KRT34: variants seen among roughly 807,000 people sequenced by gnomAD.
KRT34 encodes keratin, type I cuticular Ha4.
A neutral mutation model predicts 41.7 loss-of-function variants in KRT34; 31 were observed. The observed-to-expected ratio is 0.74, with a 90% CI of 0.56 to 1.00. The LOEUF (loss-of-function observed/expected upper bound fraction) is 1.00. KRT34 is among the 50% of genes least tolerant of loss of function. KRT34 has a pLI of 0.00. For missense variants in KRT34, 523 were observed against 500.3 expected (o/e 1.05, Z -0.43); for synonymous variants, 224 against 212.9 (o/e 1.05, Z -0.45).
At position 41,379,578 on chromosome 17, in the gene KRT34, C is replaced by G; in HGVS notation, c.742G>C (p.Ala248Pro). ...INRREVEQWF[A>P]TQTEELNKQV... ...TGTGCTTAGATGCCCACCTGCGTGG[C>G]GAACCATTGCTCCACTTCCCTGCGG... Residue 248 changes from alanine (A) to proline (P), a missense_variant, in exon 4 of 7, where the codon GCC becomes CCC. Ala to Pro is a conservative substitution (Grantham distance 27). Coordinates refer to ENST00000394001, the MANE Select transcript of KRT34 (RefSeq NM_001386014.1). 6.2e-7 allele frequency: 1 copy of G among 1,613,750 alleles called. No homozygotes were observed.
At position 41,377,927 on chromosome 17, in the gene KRT34, T is replaced by G; in HGVS notation, c.*132A>C. On this transcript the variant is annotated 3_prime_UTR_variant, in exon 7 of 7. Transcript: ENST00000394001. ...TTGGGTCAGGAAAGCTTTTCAGCAT[T>G]CTAGAAATAACATAGAGGCAAGATG... is the stretch of plus-strand genomic sequence containing the variant. 1 of 648,916 alleles carries G rather than the reference T, an allele frequency of 1.5e-6. No homozygotes were observed. The highest frequency in any genetic ancestry group is 2.0e-5 in the South Asian group (1 of 50,896). The allele number at this position is 648,916 out of a possible 1,614,324, so 40.2% of individuals were successfully genotyped here. A position where few individuals can be genotyped will look rare whatever the true frequency, so the allele number is the denominator to read the frequency against.
chr17:41,380,610 C>T (rs994686565), intron 3 of KRT34, among the ~76,000 whole-genome samples: 1 of 152,208 alleles, frequency 6.6e-6, no homozygotes. Flanking sequence ...TCCTCTTGGG[C>T]AGCCTGGATT....
At chr17:41,383,022 C>A (rs1023768714), upstream of KRT34, among the ~76,000 whole-genome samples, 1 of 149,618 alleles carries the variant, frequency 6.7e-6, no homozygotes, top group Non-Finnish European at 1.5e-5. Flanking sequence ...TGTTTGTTTT[C>A]TGTTTTTTTT....
Position 41,377,783 on chromosome 17 carries a change from C to T in KRT34, c.*276G>A. Reference sequence around the variant, plus strand: ...ATGCAGTAGTACGTTCAGGAAACACCTTAAGTAGTAACTGGAGCTCAGATT... The same window carrying T: ...ATGCAGTAGTACGTTCAGGAAACACTTTAAGTAGTAACTGGAGCTCAGATT... On this transcript the variant is annotated 3_prime_UTR_variant, in exon 7 of 7. Coordinates refer to ENST00000394001, the MANE Select transcript of KRT34 (RefSeq NM_001386014.1). The T allele has an allele frequency of 2.3e-6, 1 of 432,584 alleles. No individual in the cohort carries two copies. The highest frequency in any genetic ancestry group is 3.2e-5 in the East Asian group (1 of 30,874). The allele number at this position is 432,584 out of a possible 1,614,324, so 26.8% of individuals were successfully genotyped here. A position where few individuals can be genotyped will look rare whatever the true frequency, so the allele number is the denominator to read the frequency against.
In KRT34 at chr17:41,382,191, C is replaced by A. The variant is rs774452221; in HGVS notation, c.56G>T (p.Arg19Leu). ...GTGGCAGCTGGGGGGCACGCAGGGC[C>A]GGGAGGAGCAGCTGGTGCGGCAGCC... ...SLGCRTSCSS[R>L]PCVPPSCHGY... The change falls in exon 1 of 7, where the codon CGG becomes CTG. Residue 19 changes from arginine to leucine, a missense_variant. Arg to Leu is a moderately radical substitution (Grantham distance 102). Transcript: ENST00000394001. The A allele has an allele frequency of 6.2e-7, 1 of 1,612,364 alleles. No homozygotes were observed. Among genetic ancestry groups the A allele is most frequent in the South Asian group, 1.1e-5 (1 of 90,996 alleles).
chr17:41,382,505 T>C (rs546132480), upstream of KRT34: 6 of 766,218 alleles, frequency 7.8e-6, no homozygotes, highest in Admixed American at 8.7e-5. Flanking sequence ...TGGGTGCTAG[T>C]GGTTGGTGAA....
intron 6 of KRT34, 148 bp from the exon 7 acceptor site, chr17:41,378,294 G>C (rs2017883861): frequency 1.5e-6 from 1 of 676,308 alleles, no homozygotes; most frequent in Non-Finnish European, 2.6e-6. Context: ...TTGTTTTTGA[G>C]ACAGGGTCTT....
upstream of KRT34, among the ~76,000 whole-genome samples, chr17:41,383,631 C>A (rs755126331): frequency 6.6e-6 from 1 of 152,152 alleles, no homozygotes; most frequent in Non-Finnish European, 1.5e-5. Flanking sequence ...AGCAAGGGTG[C>A]TCAGAGGTAT....
At chr17:41,380,110 T>C (rs1338974371) in intron 3 of KRT34, among the ~76,000 whole-genome samples, 2 of 152,022 alleles carry the variant, frequency 1.3e-5, no homozygotes, top group African/African-American at 4.8e-5. Context: ...AATACAAAAA[T>C]TAGCTGGGCG....
chr17:41,378,388 C>G (rs1441125019), intron 6 of KRT34, among the ~76,000 whole-genome samples: 8 of 152,186 alleles, frequency 5.3e-5, no homozygotes, highest in Non-Finnish European at 1.0e-4. Context: ...CTCCCAGGTT[C>G]AAGCGATTCT....
chr17:41,379,613 A>G lies in KRT34; in HGVS notation c.707T>C (p.Val236Ala). ...NETRSQYEAL[V>A]EINRREVEQW... Reference sequence around the variant, plus strand: ...CTCCACTTCCCTGCGGTTAATTTCCACCAGAGCCTCATACTGACTCCTGGT... The same window carrying G: ...CTCCACTTCCCTGCGGTTAATTTCCGCCAGAGCCTCATACTGACTCCTGGT... Residue 236 changes from valine (V) to alanine (A), a missense_variant, in exon 4 of 7, where the codon GTG (valine) becomes GCG (alanine). By Grantham distance (64) the Val-to-Ala change is moderately conservative. Transcript: ENST00000394001. 6.2e-7 allele frequency: 1 copy of G among 1,613,998 alleles called. No individual in the cohort carries two copies. Among genetic ancestry groups the G allele is most frequent in the East Asian group, 2.2e-5 (1 of 44,868 alleles).
rs1395139586 is a variant in KRT34 at position 41,381,125 on chromosome 17, C to A, written c.519G>T (p.Lys173Asn). ...RRILDELTLC[K>N]SDLESQVESL... ...ACTCCACCTGGGACTCCAGGTCAGA[C>A]TTGCAGAGGGTCAGCTCATCCAGGA... The change falls in exon 3 of 7, where the codon AAG (lysine) becomes AAT (asparagine). Residue 173 changes from lysine (K) to asparagine (N), a missense_variant. Coordinates refer to ENST00000394001, the MANE Select transcript of KRT34 (RefSeq NM_001386014.1). 1 of 1,614,190 alleles carries A rather than the reference C, an allele frequency of 6.2e-7. No individual in the cohort carries two copies. The highest frequency in any genetic ancestry group is 8.5e-7 in the Non-Finnish European group (1 of 1,180,024).
chr17:41,381,284 G>C (rs754527870), intron 2 of KRT34, 72 bp from the exon 3 acceptor site: 57 of 1,464,954 alleles, frequency 3.9e-5, no homozygotes, highest in Non-Finnish European at 4.5e-5. Context: ...TGTTTGGGTA[G>C]AATTGGCCTG....
In KRT34 at chr17:41,381,898, C is replaced by A; in HGVS notation, c.348+1G>T. ...GCCCCCCATATGGCCAACCCCCTCA[C>A]CTTCTGCTGGAGCTCCTCAATGGTC... On this transcript the variant is annotated splice_donor_variant, in intron 1 of 6. Transcript: ENST00000394001. LOFTEE classifies it high-confidence loss of function. 6.2e-7 allele frequency: 1 copy of A among 1,613,880 alleles called. No individual in the cohort carries two copies. Among genetic ancestry groups the A allele is most frequent in the Non-Finnish European group, 8.5e-7 (1 of 1,179,710 alleles).
chr17:41,382,243 A>T lies in KRT34; in HGVS notation c.4T>A (p.Ser2Thr), dbSNP rs530016289. Residue 2 changes from serine (S) to threonine (T), a missense_variant, in exon 1 of 7, where the codon TCT becomes ACT. Ser to Thr is a moderately conservative substitution (Grantham distance 58). Transcript: ENST00000394001. M[S>T]YSCCLPSLGC... ...AGGCTGGGCAGGCAACAACTGTAAG[A>T]CATGGTGCTGGAACAGGTAATGGAA... 9.3e-6 allele frequency: 15 copies of T among 1,612,770 alleles called. No homozygotes were observed. Among genetic ancestry groups the T allele is most frequent in the African/African-American group, 8.0e-5 (6 of 75,012 alleles).
Position 41,378,017 on chromosome 17 carries a change from C to T in KRT34, c.*42G>A. 6.8e-7 allele frequency: 1 copy of T among 1,464,528 alleles called. No homozygotes were observed. 90.7% of individuals were successfully genotyped at this position (1,464,528 alleles called of 1,614,324 possible). A position where few individuals can be genotyped will look rare whatever the true frequency, so the allele number is the denominator to read the frequency against. ...CTTGAGGATCCTTCCTGTGGTTGAT[C>T]TAAATGGCTTTGTAGATGTCTTCAA... On this transcript the variant is annotated 3_prime_UTR_variant, in exon 7 of 7. Transcript: ENST00000394001.
chr17:41,382,573 T>G (rs1351402191), upstream of KRT34, among the ~76,000 whole-genome samples: 2 of 152,184 alleles, frequency 1.3e-5, no homozygotes, highest in African/African-American at 2.4e-5. Context: ...CCCAAAAGGC[T>G]GTCTGCATTA....
In KRT34 at chr17:41,379,347, A is replaced by G. The variant is rs956349762; in HGVS notation, c.876+6T>C. 1.9e-6 allele frequency: 3 copies of G among 1,613,040 alleles called. No individual in the cohort carries two copies. Among genetic ancestry groups the G allele is most frequent in the Non-Finnish European group, 2.5e-6 (3 of 1,180,038 alleles). Reference sequence around the variant, plus strand: ...TCGCTCACCAGCAGGTCTGAACAATACACACCAGGTTGTGCTGGGCCTGCA... The same window carrying G: ...TCGCTCACCAGCAGGTCTGAACAATGCACACCAGGTTGTGCTGGGCCTGCA... On this transcript the variant is annotated splice_donor_region_variant and intron_variant, in intron 5 of 6. Transcript: ENST00000394001.
At chr17:41,380,912 T>C (rs1417700267) in intron 3 of KRT34, 144 bp downstream of exon 3, 12 of 807,136 alleles carry the variant, frequency 1.5e-5, no homozygotes, top group South Asian at 1.5e-4. Context: ...CTCCTTGATA[T>C]GGATGTAGCA....
Sources: gnomAD v4.1 joint callset for allele counts (sites outside exome capture counted in the v4.1 genomes callset) on GRCh38, gnomAD v4.1.1 for gene constraint, MANE v1.5 for transcripts, NCBI Gene and HGNC (gene_info 2026-07-23, HGNC 2026-07-21) for gene names.